Variants in SNTG1 observed in about 807,000 individuals in gnomAD.
SNTG1 encodes syntrophin gamma 1.
Under a neutral mutation model 74.7 loss-of-function variants are expected in SNTG1, and 39 were observed. The ratio of observed to expected loss-of-function variants is 0.52; its 90% CI spans 0.40 to 0.68. SNTG1 has a LOEUF of 0.68. Among genes scored for constraint, SNTG1 ranks in the 30% least tolerant of loss-of-function variants. The probability of loss-of-function intolerance (pLI) is 0.00; values close to 1 mark genes in which losing one functional copy is unlikely to be tolerated. For missense variants in SNTG1, 685 were observed against 609.5 expected (o/e 1.12, Z -1.30); for synonymous variants, 254 against 217.1 (o/e 1.17, Z -1.49).
intron 12 of SNTG1, among the ~76,000 whole-genome samples, chr8:50,588,327 T>C (rs1294623320): frequency 6.6e-6 from 1 of 152,114 alleles, no homozygotes; most frequent in African/African-American, 2.4e-5. Context: ...ATTTTGTATC[T>C]ACAACACCAG....
At chr8:50,236,611 C>T (rs1343703976) in intron 2 of SNTG1, among the ~76,000 whole-genome samples, 1 of 152,068 alleles carries the variant, frequency 6.6e-6, no homozygotes, top group East Asian at 1.9e-4. Flanking sequence ...CCACTGCGCC[C>T]GGCTAATTTT....
intron 1 of SNTG1, among the ~76,000 whole-genome samples, chr8:49,997,132 G>A (rs1814299735): frequency 6.6e-6 from 1 of 151,966 alleles, no homozygotes; most frequent in Non-Finnish European, 1.5e-5. Flanking sequence ...GTGACTCCAC[G>A]AAGCTGTTCT....
At chr8:50,523,364 G>A (rs906141361) in intron 9 of SNTG1, among the ~76,000 whole-genome samples, 2 of 152,202 alleles carry the variant, frequency 1.3e-5, no homozygotes, top group African/African-American at 2.4e-5. Context: ...AAGAGGCTAA[G>A]CTTTTGGCTT....
intron 2 of SNTG1, among the ~76,000 whole-genome samples, chr8:50,325,829 A>T (rs953307993): frequency 2.6e-5 from 4 of 152,062 alleles, no homozygotes; most frequent in African/African-American, 9.7e-5. Context: ...TCAGTGGAAA[A>T]GCTTTTGGTT....
intron 1 of SNTG1, among the ~76,000 whole-genome samples, chr8:50,092,088 A>G (rs2079761171): frequency 6.6e-6 from 1 of 152,176 alleles, no homozygotes. Flanking sequence ...GAATGAGATT[A>G]TAATTAATAA....
chr8:50,483,839 C>T (rs1158963077), intron 8 of SNTG1, among the ~76,000 whole-genome samples: 1 of 152,096 alleles, frequency 6.6e-6, no homozygotes, highest in East Asian at 1.9e-4. Flanking sequence ...TTGAAATAAC[C>T]TATACAAAAT....
intron 4 of SNTG1, among the ~76,000 whole-genome samples, chr8:50,409,559 T>A (rs1023945579): frequency 1.3e-5 from 2 of 152,190 alleles, no homozygotes; most frequent in Non-Finnish European, 1.5e-5. Context: ...GTCAGATAGA[T>A]GTGTTAAAGC....
intron 13 of SNTG1, among the ~76,000 whole-genome samples, chr8:50,629,814 A>G (rs2094983633): frequency 6.6e-6 from 1 of 152,156 alleles, no homozygotes; most frequent in Non-Finnish European, 1.5e-5. Context: ...ACTTTTTAAA[A>G]TGCTGTATGG....
intron 18 of SNTG1, among the ~76,000 whole-genome samples, chr8:50,784,346 A>AAT (rs1049319760): frequency 5.3e-5 from 8 of 152,150 alleles, no homozygotes; most frequent in Admixed American, 3.9e-4. Context: ...AAAGGATACA[A>AAT]ATATATATAT....
chr8:49,917,385 A>C (rs1462376235), intron 1 of SNTG1, among the ~76,000 whole-genome samples: 5 of 152,182 alleles, frequency 3.3e-5, no homozygotes, highest in African/African-American at 1.2e-4. Context: ...TGGAACATAC[A>C]TGGGATTTAG....
At chr8:50,661,525 G>A (rs1486228194) in intron 15 of SNTG1, among the ~76,000 whole-genome samples, 2 of 152,042 alleles carry the variant, frequency 1.3e-5, no homozygotes, top group Non-Finnish European at 2.9e-5. Context: ...TTTTCTATAA[G>A]CCTTAGTTTA....
chr8:50,153,801 C>T (rs2082156827), intron 1 of SNTG1, among the ~76,000 whole-genome samples: 3 of 151,848 alleles, frequency 2.0e-5, no homozygotes, highest in Admixed American at 2.0e-4. Context: ...TATGAGGTGT[C>T]AGTCTGCCCC....
intron 2 of SNTG1, among the ~76,000 whole-genome samples, chr8:50,174,217 T>A (rs1026640412): frequency 2.6e-5 from 4 of 152,240 alleles, no homozygotes; most frequent in African/African-American, 9.6e-5. Flanking sequence ...TGTACCACAT[T>A]TTCTTTATGC....
chr8:50,402,090 G>T (rs1342995869), intron 3 of SNTG1, 120 bp from the exon 4 acceptor site: 3 of 957,538 alleles, frequency 3.1e-6, no homozygotes, highest in East Asian at 5.4e-5. Flanking sequence ...GCTCATCAGA[G>T]TGTGTTTTCA....
intron 1 of SNTG1, among the ~76,000 whole-genome samples, chr8:49,955,669 T>C (rs76762821): frequency 3.3e-5 from 5 of 152,340 alleles, no homozygotes; most frequent in Non-Finnish European, 5.9e-5. Context: ...GAGTTCCCAA[T>C]ATTCGCATTG....
At chr8:49,924,784 AG>A (rs1056626844) in intron 1 of SNTG1, among the ~76,000 whole-genome samples, 11 of 151,956 alleles carry the variant, frequency 7.2e-5, no homozygotes, top group African/African-American at 2.7e-4. Flanking sequence ...CTGAGAAACA[AG>A]AGAAGAGGCA....
intron 9 of SNTG1, among the ~76,000 whole-genome samples, chr8:50,526,598 T>A (rs1352554674): frequency 1.3e-5 from 2 of 149,854 alleles, no homozygotes; most frequent in Non-Finnish European, 1.5e-5. Context: ...AAAGTCAGCA[T>A]ATATATGTGT....
chr8:50,636,387 C>A (rs1422800460), intron 13 of SNTG1, among the ~76,000 whole-genome samples: 1 of 151,940 alleles, frequency 6.6e-6, no homozygotes, highest in South Asian at 2.1e-4. Flanking sequence ...TCTAGACCAC[C>A]TTTCAACTTT....
At chr8:50,387,558 A>C (rs1237243827) in intron 2 of SNTG1, among the ~76,000 whole-genome samples, 1 of 152,162 alleles carries the variant, frequency 6.6e-6, no homozygotes, top group Non-Finnish European at 1.5e-5. Context: ...CCTTTCTAAC[A>C]CCCCAAATTT....
Sources: gnomAD v4.1 joint callset for allele counts (sites outside exome capture counted in the v4.1 genomes callset) on GRCh38, gnomAD v4.1.1 for gene constraint, MANE v1.5 for transcripts, NCBI Gene and HGNC (gene_info 2026-07-23, HGNC 2026-07-21) for gene names.